Variants in ZNF160 observed in about 807,000 individuals in gnomAD.
The protein encoded by ZNF160 is KRAB zinc finger protein KR18.
In ZNF160, 9 loss-of-function variants were observed where a neutral mutation model predicts 13.1. That is an observed-to-expected ratio of 0.69 (90% CI 0.41 to 1.20). ZNF160 has a LOEUF of 1.20. Ranked by LOEUF, ZNF160 falls within the 50% of genes most tolerant of loss-of-function variation. The pLI is 0.01. For synonymous variants in ZNF160, 293 were observed against 333.2 expected (o/e 0.88, Z 1.31); for missense variants, 838 against 988.0 (o/e 0.85, Z 2.04).
chr19:53,078,663 G>A (rs1034690741), intron 3 of ZNF160, among the ~76,000 whole-genome samples: 4 of 152,068 alleles, frequency 2.6e-5, no homozygotes, highest in Non-Finnish European at 4.4e-5. Context: ...TAAGGGAAGT[G>A]TGGAACACCA....
At chr19:53,070,372 T>C (rs927324380) in intron 5 of ZNF160, 110 bp from the exon 6 acceptor site, 2 of 1,153,888 alleles carry the variant, frequency 1.7e-6, no homozygotes, top group African/African-American at 3.2e-5. Context: ...GAACAGACTT[T>C]GGAACTTCAG....
chr19:53,094,642 G>A (rs2085153367), intron 1 of ZNF160, among the ~76,000 whole-genome samples: 1 of 152,100 alleles, frequency 6.6e-6, no homozygotes. Flanking sequence ...CAATTAAGTG[G>A]CCCAGTACCA....
At chr19:53,084,020 T>C (rs1471353846) in intron 3 of ZNF160, among the ~76,000 whole-genome samples, 5 of 152,122 alleles carry the variant, frequency 3.3e-5, no homozygotes, top group Non-Finnish European at 5.9e-5. Context: ...CAGCAGACAC[T>C]CTCTACAGGG....
At chr19:53,097,612 C>T (rs898674834) in intron 1 of ZNF160, among the ~76,000 whole-genome samples, 11 of 152,160 alleles carry the variant, frequency 7.2e-5, no homozygotes, top group African/African-American at 2.4e-4. Flanking sequence ...CAGGGGAATA[C>T]CACTGAAACC....
In ZNF160 at chr19:53,067,742, T is replaced by A. The variant is rs1445293383; in HGVS notation, c.*335A>T. On this transcript the variant is annotated 3_prime_UTR_variant, in exon 6 of 6. Coordinates refer to ENST00000683776, the MANE Select transcript of ZNF160 (RefSeq NM_001322131.2). ...ATTTGGACTTGTGAGTATTCTACAG[T>A]GTATAATATCAAAGGCAAACAGGGA... 2 of 224,396 alleles carry A rather than the reference T, an allele frequency of 8.9e-6. No homozygotes were observed. Among genetic ancestry groups the A allele is most frequent in the Non-Finnish European group, 1.8e-5 (2 of 113,782 alleles). 13.9% of individuals were successfully genotyped at this position (224,396 alleles called of 1,614,324 possible).
rs1196729582 is a variant in ZNF160, at chr19:53,069,724, C to T, written c.810G>A (p.Ser270=). 9.9e-6 allele frequency: 16 copies of T among 1,613,704 alleles called. No homozygotes were observed. The highest frequency in any genetic ancestry group is 3.3e-5 in the Admixed American group (2 of 59,974). Residue 270 remains serine, a synonymous_variant, in exon 6 of 6, where the codon TCG becomes TCA. Transcript: ENST00000683776. The surrounding 1 kb of genome is among the most constrained non-coding windows in gnomAD (Gnocchi z 4.4). ...NECGKAFTQN[S]NLTSHRRIHS... is the part of the protein sequence containing the mutation. ...GAATTCTCCTATGACTTGTAAGGTT[C>T]GAATTCTGAGTGAACGCCTTGCCAC...
At chr19:53,075,788 TA>T in intron 3 of ZNF160, 1 of 518,972 alleles carries the variant, frequency 1.9e-6, no homozygotes, top group Non-Finnish European at 3.8e-6. Context: ...TCAAGCAAAC[TA>T]ATCAATTTCA....
At chr19:53,093,042 A>C (rs1440700055) in intron 1 of ZNF160, among the ~76,000 whole-genome samples, 3 of 152,216 alleles carry the variant, frequency 2.0e-5, no homozygotes, top group African/African-American at 7.2e-5. Context: ...GGTGAATCTG[A>C]TTATAGATGA....
Position 53,067,950 on chromosome 19 carries a change from C to A in ZNF160, c.*127G>T. On this transcript the variant is annotated 3_prime_UTR_variant, in exon 6 of 6. Transcript: ENST00000683776. ...TTACATGATGTCTCTTGCTTATGGC[C>A]TCTCATATCTATTAATGCTTCAACT... The A allele has an allele frequency of 7.5e-7, 1 of 1,328,626 alleles. No homozygotes were observed. Among genetic ancestry groups the A allele is most frequent in the Non-Finnish European group, 1.0e-6 (1 of 975,712 alleles). 82.3% of individuals were successfully genotyped at this position (1,328,626 alleles called of 1,614,324 possible).
intron 5 of ZNF160, 62 bp downstream of exon 5, chr19:53,074,078 C>T (rs760274815): frequency 6.5e-7 from 1 of 1,546,286 alleles, no homozygotes; most frequent in Non-Finnish European, 8.9e-7. Flanking sequence ...GCGTGAGCTA[C>T]TGTGCCCCCT....
chr19:53,073,164 C>T (rs1485627216), intron 5 of ZNF160: 3 of 1,402,972 alleles, frequency 2.1e-6, no homozygotes, highest in East Asian at 5.2e-5. Flanking sequence ...CCACATTCTA[C>T]TCTTTGCTGC....
Position 53,068,768 on chromosome 19 carries a change from C to A in ZNF160, c.1766G>T (p.Gly589Val). 1 of 1,614,148 alleles carries A rather than the reference C, an allele frequency of 6.2e-7. No individual in the cohort carries two copies. The highest frequency in any genetic ancestry group is 8.5e-7 in the Non-Finnish European group (1 of 1,180,010). Residue 589 changes from glycine (G) to valine (V), a missense_variant, in exon 6 of 6, where the codon GGA becomes GTA. Coordinates refer to ENST00000683776, the MANE Select transcript of ZNF160 (RefSeq NM_001322131.2). ...QLARHWRVHT[G>V]EKPYKCNDCG... is the part of the protein sequence containing the mutation. ...GTCATTACACTTGTAAGGTTTTTCT[C>A]CAGTATGAACTCTCCAATGCCTTGC...
chr19:53,068,308 A>G lies in ZNF160; in HGVS notation c.2226T>C (p.Phe742=). ...PYKCNECGKV[F]TQNAHLANHR... ...GATTTGCCAGGTGAGCATTTTGAGT[A>G]AAGACCTTGCCACATTCATTACATT... The change falls in exon 6 of 6, where the codon TTT becomes TTC. Residue 742 remains phenylalanine (F), a synonymous_variant. Coordinates refer to ENST00000683776, the MANE Select transcript of ZNF160 (RefSeq NM_001322131.2). 2 of 1,613,946 alleles carry G rather than the reference A, an allele frequency of 1.2e-6. No homozygotes were observed. Among genetic ancestry groups the G allele is most frequent in the Non-Finnish European group, 1.7e-6 (2 of 1,179,996 alleles).
At chr19:53,094,856 G>A (rs1020192327) in intron 1 of ZNF160, among the ~76,000 whole-genome samples, 4 of 152,136 alleles carry the variant, frequency 2.6e-5, no homozygotes, top group African/African-American at 9.7e-5. Context: ...GAGAAAGGCT[G>A]ACATAGCAGA....
chr19:53,075,942 T>C (rs79341356), intron 3 of ZNF160: 26,605 of 349,148 alleles, frequency 0.076, 1,218 homozygotes, highest in Middle Eastern at 0.13. Context: ...TATATCCAGA[T>C]AGACAGTGTC....
Position 53,103,395 on chromosome 19 carries a change from T to C in ZNF160, c.-484A>G, listed in dbSNP as rs994809958. ...ACACTCATACGCCATGGTGTGATGC[T>C]TGCTCCGCACGATCCACTTCCGGGT... On this transcript the variant is annotated 5_prime_UTR_variant, in exon 1 of 6. Coordinates refer to ENST00000683776, the MANE Select transcript of ZNF160 (RefSeq NM_001322131.2). The C allele has an allele frequency of 2.6e-5, 4 of 152,358 alleles. No homozygotes were observed. Among genetic ancestry groups the C allele is most frequent in the Non-Finnish European group, 5.9e-5 (4 of 68,064 alleles). 9.4% of individuals were successfully genotyped at this position (152,358 alleles called of 1,614,324 possible).
intron 1 of ZNF160, among the ~76,000 whole-genome samples, chr19:53,101,237 G>A (rs1364937701): frequency 1.3e-5 from 2 of 151,878 alleles, no homozygotes; most frequent in African/African-American, 2.4e-5. Context: ...CTGAGATCAC[G>A]CCACTGCCCT....
At chr19:53,072,040 T>G (rs1419101648) in intron 5 of ZNF160, among the ~76,000 whole-genome samples, 1 of 151,988 alleles carries the variant, frequency 6.6e-6, no homozygotes, top group Non-Finnish European at 1.5e-5. Flanking sequence ...ACTATCTATA[T>G]CCACACAGAG....
Position 53,067,931 on chromosome 19 carries a change from G to C in ZNF160, c.*146C>G, listed in dbSNP as rs556653911. The C allele has an allele frequency of 3.5e-6, 4 of 1,131,386 alleles. No homozygotes were observed. In the East Asian group the frequency reaches 9.7e-5, roughly 28 times the overall value. The allele number at this position is 1,131,386 out of a possible 1,614,324, so 70.1% of individuals were successfully genotyped here. ...GACCCTCTGCCACATATGTTTACAT[G>C]ATGTCTCTTGCTTATGGCCTCTCAT... On this transcript the variant is annotated 3_prime_UTR_variant, in exon 6 of 6. Coordinates refer to ENST00000683776, the MANE Select transcript of ZNF160 (RefSeq NM_001322131.2).
Sources: gnomAD v4.1 joint callset for allele counts (sites outside exome capture counted in the v4.1 genomes callset) on GRCh38, gnomAD v4.1.1 for gene constraint, Gnocchi (gnomAD v3.1) non-coding constraint, MANE v1.5 for transcripts, NCBI Gene and HGNC (gene_info 2026-07-23, HGNC 2026-07-21) for gene names.